The following EGFLAM variants were observed in gnomAD, a reference collection of about 807,000 sequenced individuals.
EGFLAM encodes pikachurin.
EGFLAM carries 79 observed loss-of-function variants against 113.1 expected under a neutral mutation model. The observed-to-expected ratio is 0.70, with a 90% CI of 0.58 to 0.84. The LOEUF (loss-of-function observed/expected upper bound fraction) is 0.84. Ranked by LOEUF, EGFLAM falls within the 40% of genes least tolerant of loss-of-function variation. EGFLAM has a pLI of 0.00. For synonymous variants in EGFLAM, 504 were observed against 487.6 expected (o/e 1.03, Z -0.44); for missense variants, 1,265 against 1,291.6 (o/e 0.98, Z 0.32).
intron 1 of EGFLAM, among the ~76,000 whole-genome samples, chr5:38,311,440 G>C (rs1163558042): frequency 1.3e-5 from 2 of 152,072 alleles, no homozygotes; most frequent in African/African-American, 4.8e-5. Context: ...GAGATCATGC[G>C]ATCTTTGTCC....
intron 17 of EGFLAM, chr5:38,445,797 G>A: frequency 7.7e-7 from 1 of 1,300,828 alleles, no homozygotes; most frequent in Non-Finnish European, 1.1e-6. Flanking sequence ...TGGTGTGGGA[G>A]CTGGGACATG....
chr5:38,404,526 G>A (rs1741218170), intron 6 of EGFLAM, among the ~76,000 whole-genome samples: 1 of 152,208 alleles, frequency 6.6e-6, no homozygotes, highest in Non-Finnish European at 1.5e-5. Flanking sequence ...GTAGCAGCCT[G>A]GACAGACAAT....
At chr5:38,444,894 G>A (rs1352226574) in intron 17 of EGFLAM, among the ~76,000 whole-genome samples, 2 of 152,080 alleles carry the variant, frequency 1.3e-5, no homozygotes, top group South Asian at 4.1e-4. Flanking sequence ...GCAGTGAGCC[G>A]AGATCGCGCC....
Position 38,448,296 on chromosome 5 carries a change from C to G in EGFLAM, c.2465-5C>G. On this transcript the variant is annotated splice_polypyrimidine_tract_variant and splice_region_variant and intron_variant, in intron 17 of 21. Transcript: ENST00000322350. ...ATGTAACCTCCTTTTTCTGTTCTGT[C>G]CCAGCGATCATAGAAGCCATTGAGA... 1 of 1,614,132 alleles carries G rather than the reference C, an allele frequency of 6.2e-7. No individual in the cohort carries two copies. The highest frequency in any genetic ancestry group is 8.5e-7 in the Non-Finnish European group (1 of 1,180,026).
intron 1 of EGFLAM, among the ~76,000 whole-genome samples, chr5:38,282,032 T>A (rs1230065956): frequency 6.6e-6 from 1 of 152,152 alleles, no homozygotes; most frequent in Non-Finnish European, 1.5e-5. Flanking sequence ...AAGGGAAAGA[T>A]CACTGTAAGC....
chr5:38,380,821 C>T (rs1740491088), intron 6 of EGFLAM, among the ~76,000 whole-genome samples: 2 of 152,144 alleles, frequency 1.3e-5, no homozygotes, highest in Non-Finnish European at 2.9e-5. Flanking sequence ...CTTCTGAGGC[C>T]TTTGTGCATC....
In EGFLAM at chr5:38,436,889, T is replaced by A. The variant is rs1024287496; in HGVS notation, c.2284-1386T>A. 2.0e-5 allele frequency among the ~76,000 whole-genome samples: 3 copies of A among 152,306 alleles called. No homozygotes were observed. In the East Asian group the frequency reaches 5.8e-4, roughly 29 times the overall value. The stretch of plus-strand genomic sequence containing the variant: ...CAGATTCAGGACTGGGGAAAAGTTT[T>A]CTCTCAACTCTCCCAGTGCTCTCCA... On this transcript the variant is annotated intron_variant, in intron 16 of 21. Coordinates refer to ENST00000322350, the MANE Select transcript of EGFLAM (RefSeq NM_152403.4).
intron 10 of EGFLAM, among the ~76,000 whole-genome samples, chr5:38,410,836 G>A (rs535865099): frequency 7.2e-5 from 11 of 152,316 alleles, no homozygotes; most frequent in Non-Finnish European, 1.2e-4. Context: ...AAATGAGCCT[G>A]AAGACCTGGA....
At chr5:38,373,141 G>T (rs958618010) in intron 6 of EGFLAM, among the ~76,000 whole-genome samples, 3 of 152,144 alleles carry the variant, frequency 2.0e-5, no homozygotes, top group African/African-American at 7.2e-5. Context: ...CAATGTGCTG[G>T]GCACTTTACC....
In EGFLAM at chr5:38,400,821, C is replaced by T. The variant is rs1002554164; in HGVS notation, c.713-5305C>T. On this transcript the variant is annotated intron_variant, in intron 6 of 21. Transcript: ENST00000322350. ...GCCACTAATGAGCTGCTTCTCTGGG[C>T]GAGTCTCATGGATTCTTTGAGCCTT... 3.3e-5 allele frequency among the ~76,000 whole-genome samples: 5 copies of T among 152,118 alleles called. No homozygotes were observed. In the South Asian group the frequency reaches 6.2e-4, roughly 19 times the overall value.
intron 1 of EGFLAM, among the ~76,000 whole-genome samples, chr5:38,268,074 C>T (rs1325370138): frequency 6.6e-6 from 1 of 152,150 alleles, no homozygotes; most frequent in Non-Finnish European, 1.5e-5. Flanking sequence ...ACTCATTTGC[C>T]TGGCCCCACC....
intron 9 of EGFLAM, 86 bp downstream of exon 9, chr5:38,407,991 C>A (rs60540056): frequency 1.9e-4 from 208 of 1,082,412 alleles, no homozygotes; most frequent in Admixed American, 1.9e-5. Context: ...GGAGAGGAAG[C>A]GGGGCAGCAG....
intron 6 of EGFLAM, among the ~76,000 whole-genome samples, chr5:38,396,914 C>T (rs955604374): frequency 7.2e-5 from 11 of 152,108 alleles, no homozygotes; most frequent in South Asian, 2.1e-4. Context: ...TCCACGGCCC[C>T]GTTATCTTTA....
intron 6 of EGFLAM, among the ~76,000 whole-genome samples, chr5:38,378,485 G>A (rs7706565): frequency 0.011 from 1,742 of 152,314 alleles, 33 homozygotes; most frequent in African/African-American, 0.04. Flanking sequence ...CTGCAGCAGT[G>A]AGCAGAGAGG....
chr5:38,258,674 C>A lies in EGFLAM; in HGVS notation c.-81C>A. 6.7e-7 allele frequency: 1 copy of A among 1,486,260 alleles called. No individual in the cohort carries two copies. Among genetic ancestry groups the A allele is most frequent in the Admixed American group, 2.0e-5 (1 of 51,096 alleles). The allele number at this position is 1,486,260 out of a possible 1,614,324, so 92.1% of individuals were successfully genotyped here. On this transcript the variant is annotated 5_prime_UTR_variant, in exon 1 of 22. Coordinates refer to ENST00000322350, the MANE Select transcript of EGFLAM (RefSeq NM_152403.4). ...CCCCGGCCCGGGGATCCGTTGGGGC[C>A]GCGTCCCCCACGCGCCCCCGGAGAC...
intron 1 of EGFLAM, 30 bp downstream of exon 1, chr5:38,258,881 C>T (rs1342025035): frequency 1.3e-6 from 2 of 1,592,068 alleles, no homozygotes; most frequent in East Asian, 2.3e-5. Flanking sequence ...AGAGCCACCA[C>T]GCCCCGAGCG....
intron 1 of EGFLAM, among the ~76,000 whole-genome samples, chr5:38,272,709 A>G (rs1192611964): frequency 9.2e-5 from 14 of 152,264 alleles, no homozygotes; most frequent in East Asian, 7.7e-4. Flanking sequence ...TATTGAAAGC[A>G]ACCAGTTGAC....
chr5:38,381,110 T>G (rs1740500676), intron 6 of EGFLAM, among the ~76,000 whole-genome samples: 1 of 152,222 alleles, frequency 6.6e-6, no homozygotes, highest in Non-Finnish European at 1.5e-5. Context: ...ACAATTATCT[T>G]ACCCATTTTC....
chr5:38,459,401 A>G (rs544186560), intron 20 of EGFLAM, among the ~76,000 whole-genome samples: 15 of 152,162 alleles, frequency 9.9e-5, no homozygotes, highest in African/African-American at 3.1e-4. Context: ...GGTAATCACC[A>G]TCCTGACTTC....
Sources: gnomAD v4.1 joint callset for allele counts (sites outside exome capture counted in the v4.1 genomes callset) on GRCh38, gnomAD v4.1.1 for gene constraint, MANE v1.5 for transcripts, NCBI Gene and HGNC (gene_info 2026-07-23, HGNC 2026-07-21) for gene names.